Variants in PALM2AKAP2 observed in about 807,000 individuals in gnomAD.
The protein encoded by PALM2AKAP2 is PALM2 and AKAP2 fusion.
PALM2AKAP2 carries 37 observed loss-of-function variants against 71.5 expected under a neutral mutation model. The observed-to-expected ratio is 0.52, with a 90% CI of 0.40 to 0.68. PALM2AKAP2 has a LOEUF of 0.68. Ranked by LOEUF, PALM2AKAP2 falls within the 30% of genes least tolerant of loss-of-function variation. The pLI is 0.00. For missense variants in PALM2AKAP2, 1,224 were observed against 1,191.8 expected, an observed-to-expected ratio of 1.03 and a Z score of -0.40; for synonymous variants, 468 against 478.8, an observed-to-expected ratio of 0.98 and a Z score of 0.29.
chr9:109,868,909 G>A (rs923805458), intron 2 of PALM2AKAP2, among the ~76,000 whole-genome samples: 1 of 152,206 alleles, frequency 6.6e-6, no homozygotes, highest in African/African-American at 2.4e-5. Context: ...TCTTCTCACA[G>A]AGAGGGGGCC....
chr9:109,871,885 A>G (rs1829609561), intron 2 of PALM2AKAP2, among the ~76,000 whole-genome samples: 1 of 152,212 alleles, frequency 6.6e-6, no homozygotes, highest in African/African-American at 2.4e-5. Context: ...TATGTTTCTT[A>G]TACTTCAATA....
chr9:109,836,162 A>G (rs1752344), intron 1 of PALM2AKAP2, among the ~76,000 whole-genome samples: 122,828 of 152,118 alleles, frequency 0.81, 49,779 homozygotes, highest in African/African-American at 0.89. Flanking sequence ...ACATGGCCGG[A>G]TACCCCTCTG....
At chr9:109,655,238 C>G (rs568508652) in intron 1 of PALM2AKAP2, among the ~76,000 whole-genome samples, 3 of 150,354 alleles carry the variant, frequency 2.0e-5, no homozygotes, top group Non-Finnish European at 4.4e-5. Context: ...GGAGCTTGCA[C>G]CGCGTGAGCC....
intron 1 of PALM2AKAP2, among the ~76,000 whole-genome samples, chr9:110,114,380 T>C (rs968239839): frequency 1.3e-5 from 2 of 152,206 alleles, no homozygotes; most frequent in Non-Finnish European, 2.9e-5. Flanking sequence ...CCCAGTATGA[T>C]CTCATCTTAA....
intron 6 of PALM2AKAP2, among the ~76,000 whole-genome samples, chr9:109,968,224 T>C (rs1208838697): frequency 6.6e-6 from 1 of 152,218 alleles, no homozygotes; most frequent in East Asian, 1.9e-4. Flanking sequence ...GAGGCCACCA[T>C]GGCCCTGGGG....
intron 1 of PALM2AKAP2, among the ~76,000 whole-genome samples, chr9:109,731,289 G>A (rs1828553286): frequency 1.3e-5 from 2 of 152,144 alleles, no homozygotes; most frequent in East Asian, 1.9e-4. Context: ...AACTTATACT[G>A]GACATGATTT....
chr9:110,138,180 A>C (rs182568604), exon 2 of PALM2AKAP2: 29 of 1,614,148 alleles, frequency 1.8e-5, no homozygotes, highest in Admixed American at 1.7e-5. Context: ...CCTGCTGAAG[A>C]CAGGGCGCTC....
At chr9:109,965,694 T>A (rs1027907589) in intron 6 of PALM2AKAP2, among the ~76,000 whole-genome samples, 2 of 152,142 alleles carry the variant, frequency 1.3e-5, no homozygotes, top group African/African-American at 4.8e-5. Context: ...CTTAATGCTA[T>A]CGAACTGTAA....
chr9:109,740,611 T>A (rs909624525), intron 1 of PALM2AKAP2, among the ~76,000 whole-genome samples: 17 of 151,938 alleles, frequency 1.1e-4, no homozygotes, highest in African/African-American at 4.1e-4. Flanking sequence ...TCTGGGGAGG[T>A]TGCAGGGACC....
intron 2 of PALM2AKAP2, among the ~76,000 whole-genome samples, chr9:110,145,299 A>G (rs1329468469): frequency 6.6e-6 from 1 of 152,186 alleles, no homozygotes; most frequent in African/African-American, 2.4e-5. Context: ...GGGCTGTCCA[A>G]AGATCTGAGC....
chr9:109,815,651 C>G (rs557260491), intron 1 of PALM2AKAP2, among the ~76,000 whole-genome samples: 2 of 152,134 alleles, frequency 1.3e-5, no homozygotes, highest in Admixed American at 6.5e-5. Flanking sequence ...ATTGAACATA[C>G]CAACTAGAAG....
Position 110,032,713 on chromosome 9 carries a change from A to G in PALM2AKAP2, c.582+16674A>G, listed in dbSNP as rs1434220066. 1.8e-4 allele frequency among the ~76,000 whole-genome samples: 27 copies of G among 146,430 alleles called. 1 individual carries two copies. The South Asian group carries it at 4.5e-3, about 24-fold the overall frequency. ...CTCAAAATAAATAAATAAATAAATA[A>G]ATAAATAAATAAATAAATAAATAAA... On this transcript the variant is annotated intron_variant, in intron 7 of 9. Transcript: ENST00000302798.
chr9:109,756,238 A>G (rs1179950100), intron 1 of PALM2AKAP2, among the ~76,000 whole-genome samples: 1 of 152,190 alleles, frequency 6.6e-6, no homozygotes, highest in Non-Finnish European at 1.5e-5. Flanking sequence ...GCCCACTTTG[A>G]TAGTCAAAAT....
intron 7 of PALM2AKAP2, among the ~76,000 whole-genome samples, chr9:110,019,384 A>T (rs891817434): frequency 1.3e-5 from 2 of 152,194 alleles, no homozygotes; most frequent in African/African-American, 4.8e-5. Flanking sequence ...AATTAGTTCA[A>T]CCCCTATGGA....
At chr9:110,027,210 C>T (rs1434625974) in intron 7 of PALM2AKAP2, among the ~76,000 whole-genome samples, 1 of 152,186 alleles carries the variant, frequency 6.6e-6, no homozygotes, top group African/African-American at 2.4e-5. Context: ...TTGGCCTTAT[C>T]CAGCTGGTGC....
chr9:109,923,210 T>C (rs1830878194), intron 3 of PALM2AKAP2, among the ~76,000 whole-genome samples: 1 of 152,146 alleles, frequency 6.6e-6, no homozygotes, highest in African/African-American at 2.4e-5. Flanking sequence ...TCTTCTTCAT[T>C]TCCCTTCTTT....
At chr9:110,158,817 G>C (rs976246037) in intron 3 of PALM2AKAP2, among the ~76,000 whole-genome samples, 13 of 152,302 alleles carry the variant, frequency 8.5e-5, no homozygotes, top group Non-Finnish European at 5.9e-5. Flanking sequence ...CAAGTTTGCT[G>C]TTGTTGAAAA....
chr9:109,665,643 G>C (rs551496877), intron 1 of PALM2AKAP2, among the ~76,000 whole-genome samples: 3 of 152,184 alleles, frequency 2.0e-5, no homozygotes, highest in Admixed American at 6.5e-5. Flanking sequence ...GCTACGTGGC[G>C]GTCAGGGACC....
chr9:109,780,529 T>C, exon 1 of PALM2AKAP2: 3 of 1,613,670 alleles, frequency 1.9e-6, no homozygotes, highest in Non-Finnish European at 2.5e-6. Context: ...CTGCAAGCCA[T>C]AGCAGTAAGT....
Sources: gnomAD v4.1 joint callset for allele counts (sites outside exome capture counted in the v4.1 genomes callset) on GRCh38, gnomAD v4.1.1 for gene constraint, MANE v1.5 for transcripts, NCBI Gene and HGNC (gene_info 2026-07-23, HGNC 2026-07-21) for gene names.